The following HPCAL1 variants were observed in gnomAD, a reference collection of about 807,000 sequenced individuals.
HPCAL1 encodes the protein hippocalcin like 1, also known as hippocalcin-like protein 1.
In HPCAL1, 8 loss-of-function variants were observed where a neutral mutation model predicts 17.1. That is an observed-to-expected ratio of 0.47 (90% CI 0.27 to 0.84). The LOEUF (loss-of-function observed/expected upper bound fraction) is 0.84. HPCAL1 is among the 40% of genes least tolerant of loss of function. HPCAL1 has a pLI of 0.13. For missense variants in HPCAL1, 165 were observed against 271.1 expected (o/e 0.61, Z 2.75); for synonymous variants, 112 against 111.4 (o/e 1.01, Z -0.03).
chr2:10,397,610 C>G (rs1478043755), intron 2 of HPCAL1, among the ~76,000 whole-genome samples: 1 of 152,198 alleles, frequency 6.6e-6, no homozygotes, highest in Non-Finnish European at 1.5e-5. Context: ...CACTGGTCGC[C>G]TCTCCCCCAG....
intron 2 of HPCAL1, among the ~76,000 whole-genome samples, chr2:10,402,196 G>A (rs1196022245): frequency 2.6e-5 from 4 of 152,144 alleles, no homozygotes; most frequent in African/African-American, 9.7e-5. Context: ...CACCGCACCC[G>A]GCCAGGAACT....
chr2:10,321,387 C>T (rs1663659414), intron 1 of HPCAL1, among the ~76,000 whole-genome samples: 1 of 151,720 alleles, frequency 6.6e-6, no homozygotes, highest in Admixed American at 6.6e-5. Flanking sequence ...TTGGTTGAGA[C>T]ATCCAAGCCG....
Position 10,318,877 on chromosome 2 carries a change from A to G in HPCAL1, c.-111+15700A>G, listed in dbSNP as rs544232324. 2.0e-4 allele frequency among the ~76,000 whole-genome samples: 30 copies of G among 152,318 alleles called. No homozygotes were observed. In the South Asian group the frequency reaches 2.1e-3, roughly 11 times the overall value. On this transcript the variant is annotated intron_variant, in intron 1 of 4. Coordinates refer to ENST00000307845, the MANE Select transcript of HPCAL1 (RefSeq NM_002149.4). ...TCCTGCTACCCTCCCTGAAGCTTGAATAGCACCCACCCGTGCCTTCTCCAT... is the reference window on the plus strand; with the variant it reads ...TCCTGCTACCCTCCCTGAAGCTTGAGTAGCACCCACCCGTGCCTTCTCCAT...
intron 2 of HPCAL1, among the ~76,000 whole-genome samples, chr2:10,407,347 T>A (rs1670036354): frequency 6.6e-6 from 1 of 152,138 alleles, no homozygotes; most frequent in African/African-American, 2.4e-5. Context: ...TTCCTAAAAC[T>A]GGAAGAGTCA....
chr2:10,347,318 C>T (rs898716799), intron 1 of HPCAL1, among the ~76,000 whole-genome samples: 2 of 152,150 alleles, frequency 1.3e-5, no homozygotes, highest in African/African-American at 4.8e-5. Context: ...GTCTCAGAGT[C>T]TCATGGGGAG....
In HPCAL1 at chr2:10,342,920, C is replaced by T. The variant is rs1449022373; in HGVS notation, c.-111+39743C>T. ...TGCCTTCCCCCGGCCCCTTTTTGGA[C>T]AGGATGTTGCTCCCTGGGGCCTGGC... is the stretch of plus-strand genomic sequence containing the variant. On this transcript the variant is annotated intron_variant, in intron 1 of 4. Coordinates refer to ENST00000307845, the MANE Select transcript of HPCAL1 (RefSeq NM_002149.4). This position sits in a 1 kb window ranked among gnomAD's most constrained non-coding sequence, Gnocchi z 4.1. Among the ~76,000 whole-genome samples, 1 of 152,178 alleles carries T rather than the reference C, an allele frequency of 6.6e-6. No homozygotes were observed. Among genetic ancestry groups the T allele is most frequent in the Non-Finnish European group, 1.5e-5 (1 of 68,034 alleles).
chr2:10,405,216 G>C (rs999939835), intron 2 of HPCAL1, among the ~76,000 whole-genome samples: 25 of 152,212 alleles, frequency 1.6e-4, no homozygotes, highest in African/African-American at 5.3e-4. Flanking sequence ...AGGGCCCCTG[G>C]GTCTGCGGGC....
chr2:10,328,427 T>A (rs1664146771), intron 1 of HPCAL1, among the ~76,000 whole-genome samples: 1 of 152,204 alleles, frequency 6.6e-6, no homozygotes, highest in South Asian at 2.1e-4. Context: ...TAATTTCAAG[T>A]TGTGTCTGGG....
chr2:10,405,654 C>G (rs1669921454), intron 2 of HPCAL1, among the ~76,000 whole-genome samples: 1 of 152,228 alleles, frequency 6.6e-6, no homozygotes, highest in South Asian at 2.1e-4. Flanking sequence ...CTGCAGCTGG[C>G]ACAAAGAGCC....
At chr2:10,366,770 A>G (rs1666880644) in intron 1 of HPCAL1, among the ~76,000 whole-genome samples, 1 of 152,024 alleles carries the variant, frequency 6.6e-6, no homozygotes, top group Non-Finnish European at 1.5e-5. Flanking sequence ...CGTCTTCTCC[A>G]CTAGGAGCTC....
intron 2 of HPCAL1, among the ~76,000 whole-genome samples, chr2:10,404,964 G>A (rs1028215322): frequency 7.9e-5 from 12 of 152,128 alleles, no homozygotes; most frequent in African/African-American, 2.2e-4. Flanking sequence ...GTCAGGAATC[G>A]GCTCCCAAGA....
chr2:10,422,244 T>A (rs1394499880), intron 3 of HPCAL1, among the ~76,000 whole-genome samples: 1 of 152,074 alleles, frequency 6.6e-6, no homozygotes, highest in African/African-American at 2.4e-5. Context: ...TTTCTCACAA[T>A]GAGAAAATGG....
intron 1 of HPCAL1, among the ~76,000 whole-genome samples, chr2:10,373,036 C>T (rs1667323186): frequency 6.6e-6 from 1 of 152,266 alleles, no homozygotes; most frequent in Non-Finnish European, 1.5e-5. Flanking sequence ...CCAAGCTGGC[C>T]TGAGCCCTGG....
chr2:10,370,290 C>G (rs1034103049), intron 1 of HPCAL1, among the ~76,000 whole-genome samples: 4 of 152,226 alleles, frequency 2.6e-5, no homozygotes, highest in African/African-American at 9.6e-5. Flanking sequence ...TGCGGGGGCA[C>G]AGAGAAGCAG....
intron 1 of HPCAL1, among the ~76,000 whole-genome samples, chr2:10,380,093 G>T (rs567075782): frequency 6.6e-6 from 1 of 152,198 alleles, no homozygotes; most frequent in East Asian, 1.9e-4. Flanking sequence ...GAGTACCTGC[G>T]TCTCAGAGCT....
At chr2:10,399,164 G>C (rs954724330) in intron 2 of HPCAL1, among the ~76,000 whole-genome samples, 2 of 146,312 alleles carry the variant, frequency 1.4e-5, no homozygotes, top group African/African-American at 5.1e-5. Flanking sequence ...CCCATCCCCA[G>C]ACCCCTGGGG....
intron 4 of HPCAL1, chr2:10,425,244 C>T (rs1193798633): frequency 6.5e-6 from 1 of 153,232 alleles, no homozygotes; most frequent in Non-Finnish European, 1.5e-5. Context: ...AGCTGGCTGC[C>T]CTGAGTGGTC....
At chr2:10,408,363 G>A (rs1048908789) in intron 2 of HPCAL1, among the ~76,000 whole-genome samples, 3 of 152,206 alleles carry the variant, frequency 2.0e-5, no homozygotes, top group African/African-American at 7.2e-5. Flanking sequence ...AGTCAAGAAG[G>A]TTTCGGTTGG....
chr2:10,340,985 T>C (rs941516246), intron 1 of HPCAL1, among the ~76,000 whole-genome samples: 4 of 152,208 alleles, frequency 2.6e-5, no homozygotes, highest in African/African-American at 7.2e-5. Flanking sequence ...AAATTCTAGA[T>C]ACTATATTGG....
Sources: gnomAD v4.1 joint callset for allele counts (sites outside exome capture counted in the v4.1 genomes callset) on GRCh38, gnomAD v4.1.1 for gene constraint, Gnocchi (gnomAD v3.1) non-coding constraint, MANE v1.5 for transcripts, NCBI Gene and HGNC (gene_info 2026-07-23, HGNC 2026-07-21) for gene names.